Variants in ARHGEF38 observed in about 807,000 individuals in gnomAD.
ARHGEF38 encodes the protein Rho guanine nucleotide exchange factor (GEF) 38.
A neutral mutation model predicts 79.9 loss-of-function variants in ARHGEF38; 79 were observed. The ratio of observed to expected loss-of-function variants is 0.99; its 90% CI spans 0.82 to 1.19. The LOEUF (loss-of-function observed/expected upper bound fraction) is 1.19, where lower values mean the gene tolerates loss of function less well. Ranked by LOEUF, ARHGEF38 falls within the 50% of genes most tolerant of loss-of-function variation. ARHGEF38 has a pLI of 0.00. For missense variants in ARHGEF38, 962 were observed against 907.2 expected (o/e 1.06, Z -0.78); for synonymous variants, 366 against 328.3 (o/e 1.11, Z -1.24).
At chr4:105,566,608 T>C (rs1401716630) in intron 1 of ARHGEF38, among the ~76,000 whole-genome samples, 1 of 152,172 alleles carries the variant, frequency 6.6e-6, no homozygotes, top group African/African-American at 2.4e-5. Flanking sequence ...TACAATTAAA[T>C]TATTTTTTTA....
intron 13 of ARHGEF38, among the ~76,000 whole-genome samples, chr4:105,667,925 G>A (rs1463432653): frequency 6.6e-6 from 1 of 152,158 alleles, no homozygotes; most frequent in Non-Finnish European, 1.5e-5. Flanking sequence ...ATGTAAAGTA[G>A]CCAGCACAAA....
Position 105,667,298 on chromosome 4 carries a change from G to C in ARHGEF38, c.1859G>C (p.Ser620Thr). Residue 620 changes from serine (S) to threonine (T), a missense_variant, in exon 12 of 14, where the codon AGT (serine) becomes ACT (threonine). Transcript: ENST00000420470. ...ATAGAACAGAAAGATCCACTGGGGAGTACAAGCAGGTGGCTTGTGGACACA... is the reference window on the plus strand; with the variant it reads ...ATAGAACAGAAAGATCCACTGGGGACTACAAGCAGGTGGCTTGTGGACACA... ...AVIEQKDPLG[S>T]TSRWLVDTGN... The C allele has an allele frequency of 6.5e-7, 1 of 1,536,142 alleles. No homozygotes were observed. Among genetic ancestry groups the C allele is most frequent in the South Asian group, 1.2e-5 (1 of 84,024 alleles).
At chr4:105,572,993 C>T (rs1032629805) in intron 1 of ARHGEF38, among the ~76,000 whole-genome samples, 9 of 152,106 alleles carry the variant, frequency 5.9e-5, no homozygotes, top group African/African-American at 2.2e-4. Flanking sequence ...ATTAGTGATG[C>T]TGAGCATCTT....
intron 1 of ARHGEF38, among the ~76,000 whole-genome samples, chr4:105,561,074 T>C (rs1355313102): frequency 3.3e-5 from 5 of 151,994 alleles, no homozygotes; most frequent in African/African-American, 1.2e-4. Context: ...ATATTAACTA[T>C]TTTGTCTGTC....
intron 1 of ARHGEF38, among the ~76,000 whole-genome samples, chr4:105,583,214 G>C (rs940374802): frequency 6.6e-6 from 1 of 151,964 alleles, no homozygotes; most frequent in African/African-American, 2.4e-5. Flanking sequence ...TTATTTTAAT[G>C]GTTGGCCTTG....
intron 2 of ARHGEF38, among the ~76,000 whole-genome samples, chr4:105,610,918 G>A (rs1028392233): frequency 6.6e-6 from 1 of 151,866 alleles, no homozygotes; most frequent in Non-Finnish European, 1.5e-5. Context: ...AAAAACTCAG[G>A]AACAAACCAA....
At chr4:105,672,134 G>C (rs1304268470) in intron 13 of ARHGEF38, among the ~76,000 whole-genome samples, 1 of 152,102 alleles carries the variant, frequency 6.6e-6, no homozygotes, top group African/African-American at 2.4e-5. Flanking sequence ...GCGAAGACCT[G>C]AAGTGGTCTA....
At chr4:105,585,500 T>C (rs113392636) in intron 1 of ARHGEF38, among the ~76,000 whole-genome samples, 1 of 27,754 alleles carries the variant, frequency 3.6e-5, no homozygotes, top group African/African-American at 5.3e-5. Flanking sequence ...AAAATTCACA[T>C]CACCACTGGA....
At chr4:105,672,837 G>T (rs1731000316) in intron 13 of ARHGEF38, among the ~76,000 whole-genome samples, 1 of 152,140 alleles carries the variant, frequency 6.6e-6, no homozygotes, top group Admixed American at 6.5e-5. Flanking sequence ...CCTTTTTCTT[G>T]TTGGCAATTA....
In ARHGEF38 at chr4:105,679,656, G is replaced by A. The variant is rs1731242758; in HGVS notation, c.*1719G>A. 2.5e-6 allele frequency: 2 copies of A among 800,520 alleles called. No individual in the cohort carries two copies. Among genetic ancestry groups the A allele is most frequent in the South Asian group, 1.3e-5 (1 of 74,418 alleles). The allele number at this position is 800,520 out of a possible 1,614,324, so 49.6% of individuals were successfully genotyped here. A position where few individuals can be genotyped will look rare whatever the true frequency, so the allele number is the denominator to read the frequency against. On this transcript the variant is annotated 3_prime_UTR_variant, in exon 14 of 14. Coordinates refer to ENST00000420470, the MANE Select transcript of ARHGEF38 (RefSeq NM_001242729.2). Reference sequence around the variant, plus strand: ...AAGCCAGAGACCTTATGGCATCCATGCTTTTAAATTTAACTAAATCCATTG... The same window carrying A: ...AAGCCAGAGACCTTATGGCATCCATACTTTTAAATTTAACTAAATCCATTG...
In ARHGEF38 at chr4:105,624,350, G is replaced by A. The variant is rs142407141; in HGVS notation, c.509-6548G>A. Among the ~76,000 whole-genome samples, 368 of 152,270 alleles carry A rather than the reference G, an allele frequency of 2.4e-3. 4 individuals carry two copies. The highest frequency in any genetic ancestry group is 8.6e-3 in the African/African-American group (356 of 41,552). ...AATAATTTGGAAGTCTTATTTTGTCGTAAGAATTCATGTCAGTTTTCCAGT... is the reference window on the plus strand; with the variant it reads ...AATAATTTGGAAGTCTTATTTTGTCATAAGAATTCATGTCAGTTTTCCAGT... On this transcript the variant is annotated intron_variant, in intron 3 of 13. Coordinates refer to ENST00000420470, the MANE Select transcript of ARHGEF38 (RefSeq NM_001242729.2).
rs1176371239 is a variant in ARHGEF38, at chr4:105,638,708, G to A, written c.674+2288G>A. Reference sequence around the variant, plus strand: ...ATTGACTAAAATAGGAACACTATACGTTTCTTGTATGTCGACTTGCTACCT... The same window carrying A: ...ATTGACTAAAATAGGAACACTATACATTTCTTGTATGTCGACTTGCTACCT... On this transcript the variant is annotated intron_variant, in intron 5 of 13. Transcript: ENST00000420470. 4.8e-5 allele frequency among the ~76,000 whole-genome samples: 7 copies of A among 144,522 alleles called. No individual in the cohort carries two copies. In the East Asian group the frequency reaches 9.7e-4, roughly 20 times the overall value. The allele number at this position is 144,522 out of a possible 152,430, so 94.8% of individuals were successfully genotyped here.
At chr4:105,640,892 T>G (rs1486426948) in intron 5 of ARHGEF38, among the ~76,000 whole-genome samples, 1 of 152,142 alleles carries the variant, frequency 6.6e-6, no homozygotes, top group African/African-American at 2.4e-5. Context: ...TATTTCTTTT[T>G]CTGAAGGATT....
intron 13 of ARHGEF38, 94 bp from the exon 14 acceptor site, chr4:105,677,658 T>C: frequency 8.3e-7 from 1 of 1,206,514 alleles, no homozygotes; most frequent in Non-Finnish European, 1.1e-6. Context: ...ACAAAAAAAC[T>C]TTAGCATTGC....
At position 105,648,031 on chromosome 4, in the gene ARHGEF38, A is replaced by G. The variant is rs140919299; in HGVS notation, c.875-518A>G. 2.3e-3 allele frequency among the ~76,000 whole-genome samples: 354 copies of G among 151,900 alleles called. 2 individuals are homozygous for G. Among genetic ancestry groups the G allele is most frequent in the African/African-American group, 8.3e-3 (343 of 41,414 alleles). On this transcript the variant is annotated intron_variant, in intron 6 of 13. Coordinates refer to ENST00000420470, the MANE Select transcript of ARHGEF38 (RefSeq NM_001242729.2). ...CAGCCTCCCAAGTACCTGGGACTAC[A>G]GGCACGCACCACCATGCCAGGCTAA... is the stretch of plus-strand genomic sequence containing the variant.
At chr4:105,570,325 T>G (rs1184081471) in intron 1 of ARHGEF38, 2 of 152,216 alleles carry the variant, frequency 1.3e-5, no homozygotes, top group Admixed American at 1.3e-4. Context: ...GCAGTAATAG[T>G]GTATAATGCT....
In ARHGEF38 at chr4:105,630,451, C is replaced by T. The variant is rs543754937; in HGVS notation, c.509-447C>T. ...TAGAGACGGGGTTTCACCATATTGGCCAGGCTGGTCTCAAACTCCTGACCT... is the reference window on the plus strand; with the variant it reads ...TAGAGACGGGGTTTCACCATATTGGTCAGGCTGGTCTCAAACTCCTGACCT... On this transcript the variant is annotated intron_variant, in intron 3 of 13. Coordinates refer to ENST00000420470, the MANE Select transcript of ARHGEF38 (RefSeq NM_001242729.2). 3.9e-5 allele frequency among the ~76,000 whole-genome samples: 6 copies of T among 152,144 alleles called. No homozygotes were observed. In the East Asian group the frequency reaches 9.7e-4, roughly 24 times the overall value.
At chr4:105,621,451 G>A (rs1448796692) in intron 3 of ARHGEF38, among the ~76,000 whole-genome samples, 1 of 152,154 alleles carries the variant, frequency 6.6e-6, no homozygotes, top group Admixed American at 6.5e-5. Flanking sequence ...TTTGATAAAG[G>A]AATTGTAATT....
chr4:105,620,643 C>G (rs1383959610), intron 3 of ARHGEF38, among the ~76,000 whole-genome samples: 1 of 152,160 alleles, frequency 6.6e-6, no homozygotes, highest in Non-Finnish European at 1.5e-5. Context: ...TTTCTAGATG[C>G]TTCCAATATC....
Sources: gnomAD v4.1 joint callset for allele counts (sites outside exome capture counted in the v4.1 genomes callset) on GRCh38, gnomAD v4.1.1 for gene constraint, MANE v1.5 for transcripts, NCBI Gene and HGNC (gene_info 2026-07-23, HGNC 2026-07-21) for gene names.